The following MAGI2 variants were observed in gnomAD, a reference collection of about 807,000 sequenced individuals.
MAGI2 encodes the protein membrane associated guanylate kinase, WW and PDZ domain containing 2.
MAGI2 carries 35 observed loss-of-function variants against 133.3 expected under a neutral mutation model. That is an observed-to-expected ratio of 0.26 (90% CI 0.20 to 0.35). The LOEUF is 0.35. Among genes scored for constraint, MAGI2 ranks in the 10% least tolerant of loss-of-function variants. The pLI, the probability that MAGI2 is intolerant of heterozygous loss-of-function variation, is 1.00. For synonymous variants in MAGI2, 729 were observed against 710.6 expected (o/e 1.03, Z -0.41); for missense variants, 1,636 against 1,863.4 (o/e 0.88, Z 2.25).
intron 9 of MAGI2, among the ~76,000 whole-genome samples, chr7:78,317,317 A>C (rs550101925): frequency 2.0e-5 from 3 of 152,182 alleles, no homozygotes; most frequent in Admixed American, 6.5e-5. Flanking sequence ...TATCCCACCA[A>C]TCAAGAACAG....
intron 2 of MAGI2, among the ~76,000 whole-genome samples, chr7:78,656,827 G>A (rs976888827): frequency 2.6e-5 from 4 of 151,666 alleles, no homozygotes; most frequent in African/African-American, 9.7e-5. Context: ...AAAAAAATAA[G>A]TTTAAAATTT....
chr7:78,145,745 G>T (rs1195999862), intron 16 of MAGI2, among the ~76,000 whole-genome samples: 1 of 152,076 alleles, frequency 6.6e-6, no homozygotes, highest in African/African-American at 2.4e-5. Flanking sequence ...CCCAGTCTGT[G>T]GTATTCCACT....
At chr7:78,871,215 G>T (rs1475689771) in intron 2 of MAGI2, among the ~76,000 whole-genome samples, 2 of 152,136 alleles carry the variant, frequency 1.3e-5, no homozygotes, top group East Asian at 3.9e-4. Context: ...GGAGGTTGAG[G>T]CAGGAGAATG....
chr7:78,580,121 T>C (rs1802683033), intron 3 of MAGI2, among the ~76,000 whole-genome samples: 1 of 152,208 alleles, frequency 6.6e-6, no homozygotes, highest in African/African-American at 2.4e-5. Context: ...TATATGTGAA[T>C]ATGTATGTGT....
chr7:78,913,270 A>C (rs1798551046), intron 2 of MAGI2, among the ~76,000 whole-genome samples: 1 of 152,084 alleles, frequency 6.6e-6, no homozygotes, highest in Non-Finnish European at 1.5e-5. Context: ...ATGTCTCATG[A>C]ATGTTTTAGC....
At position 79,003,557 on chromosome 7, in the gene MAGI2, AAT is replaced by A. The variant is rs1267828314; in HGVS notation, c.418+3531_418+3532del. 9.8e-5 allele frequency among the ~76,000 whole-genome samples: 15 copies of A among 152,298 alleles called. No individual in the cohort carries two copies. In the East Asian group the frequency reaches 2.9e-3, roughly 29 times the overall value. Reference sequence around the variant, plus strand: ...CTACGCTGCTGGGTTCATGAAAACCAATGAGAATTTCTTTGACCAAGGAAAAT... The same window carrying A: ...CTACGCTGCTGGGTTCATGAAAACCAGAGAATTTCTTTGACCAAGGAAAAT... On this transcript the variant is annotated intron_variant, in intron 2 of 21. Coordinates refer to ENST00000354212, the MANE Select transcript of MAGI2 (RefSeq NM_012301.4).
intron 1 of MAGI2, among the ~76,000 whole-genome samples, chr7:79,430,622 T>C (rs547941425): frequency 4.6e-5 from 7 of 152,260 alleles, no homozygotes; most frequent in African/African-American, 1.7e-4. Flanking sequence ...AATTACCTAA[T>C]CATCTCCAAA....
chr7:79,047,657 T>C (rs1812303604), intron 1 of MAGI2, among the ~76,000 whole-genome samples: 1 of 152,138 alleles, frequency 6.6e-6, no homozygotes. Context: ...GAAATAAATA[T>C]ATATGTATAT....
At chr7:79,059,262 C>T (rs1375582586) in intron 1 of MAGI2, among the ~76,000 whole-genome samples, 1 of 151,898 alleles carries the variant, frequency 6.6e-6, no homozygotes, top group East Asian at 1.9e-4. Context: ...ATGTTTCTCC[C>T]ACTGGGCTAC....
intron 14 of MAGI2, chr7:78,170,059 T>G (rs1479527080): frequency 6.6e-6 from 1 of 152,234 alleles, no homozygotes; most frequent in Admixed American, 6.5e-5. Context: ...CTTAAGAAAA[T>G]GCTTCAACCT....
intron 6 of MAGI2, among the ~76,000 whole-genome samples, chr7:78,453,229 G>C (rs1163602130): frequency 6.6e-6 from 1 of 152,116 alleles, no homozygotes; most frequent in Non-Finnish European, 1.5e-5. Context: ...AAACACCAAG[G>C]TACTGCAGGG....
At chr7:78,183,094 T>C (rs997099600) in intron 13 of MAGI2, among the ~76,000 whole-genome samples, 4 of 152,194 alleles carry the variant, frequency 2.6e-5, no homozygotes, top group African/African-American at 9.6e-5. Context: ...AACTTCCTAC[T>C]ATCAATTTTG....
At chr7:79,324,038 C>T (rs1839404818) in intron 1 of MAGI2, among the ~76,000 whole-genome samples, 1 of 152,084 alleles carries the variant, frequency 6.6e-6, no homozygotes, top group South Asian at 2.1e-4. Context: ...TCCACTACTT[C>T]CTCTGGTATG....
chr7:78,111,441 A>G (rs146497792), intron 20 of MAGI2, among the ~76,000 whole-genome samples: 32 of 152,348 alleles, frequency 2.1e-4, no homozygotes, highest in African/African-American at 7.5e-4. Context: ...ACTAGCCCTC[A>G]TGGGAAGATG....
chr7:78,926,219 G>A (rs1218774706), intron 2 of MAGI2, among the ~76,000 whole-genome samples: 1 of 151,762 alleles, frequency 6.6e-6, no homozygotes, highest in Non-Finnish European at 1.5e-5. Context: ...TTTTATGTTA[G>A]CCTTGAAGAT....
chr7:78,361,874 C>T (rs1301086257), intron 7 of MAGI2, among the ~76,000 whole-genome samples: 1 of 152,158 alleles, frequency 6.6e-6, no homozygotes, highest in Non-Finnish European at 1.5e-5. Context: ...GGTGAAGTGT[C>T]TCCCAGCAGG....
intron 1 of MAGI2, among the ~76,000 whole-genome samples, chr7:79,170,036 T>C (rs1005109621): frequency 6.6e-6 from 1 of 151,502 alleles, no homozygotes; most frequent in African/African-American, 2.4e-5. Flanking sequence ...AATAGGACTA[T>C]ATTTTACACA....
intron 6 of MAGI2, among the ~76,000 whole-genome samples, chr7:78,440,078 A>C (rs1488959152): frequency 6.6e-6 from 1 of 151,914 alleles, no homozygotes; most frequent in African/African-American, 2.4e-5. Context: ...GTCACATTTA[A>C]ATATAAATAT....
intron 1 of MAGI2, among the ~76,000 whole-genome samples, chr7:79,291,529 C>G (rs1836485227): frequency 6.6e-6 from 1 of 152,122 alleles, no homozygotes; most frequent in Non-Finnish European, 1.5e-5. Flanking sequence ...TACAATCCCA[C>G]CAGCAGTGTA....
Sources: gnomAD v4.1 joint callset for allele counts (sites outside exome capture counted in the v4.1 genomes callset) on GRCh38, gnomAD v4.1.1 for gene constraint, MANE v1.5 for transcripts, NCBI Gene and HGNC (gene_info 2026-07-23, HGNC 2026-07-21) for gene names.